The following XYLT1 variants were observed in gnomAD, a reference collection of about 807,000 sequenced individuals.
The protein encoded by XYLT1 is xylosyltransferase 1, also known as beta-D-xylosyltransferase 1.
In XYLT1, 36 loss-of-function variants were observed where a neutral mutation model predicts 91.3. The ratio of observed to expected loss-of-function variants is 0.39; its 90% confidence interval spans 0.30 to 0.52. The LOEUF is 0.52. Among genes scored for constraint, XYLT1 ranks in the 20% least tolerant of loss-of-function variants. The pLI, the probability that XYLT1 is intolerant of heterozygous loss-of-function variation, is 0.68. For missense variants in XYLT1, 1,242 were observed against 1,284.5 expected, an observed-to-expected ratio of 0.97 and a Z score of 0.51; for synonymous variants, 588 against 532.0, an observed-to-expected ratio of 1.11 and a Z score of -1.45.
At chr16:17,121,727 C>T (rs1369837630) in intron 10 of XYLT1, among the ~76,000 whole-genome samples, 1 of 152,008 alleles carries the variant, frequency 6.6e-6, no homozygotes, top group Admixed American at 6.6e-5. Context: ...TCTTTTATCC[C>T]CTATATCCCC....
At chr16:17,202,771 C>A (rs149944655) in intron 3 of XYLT1, among the ~76,000 whole-genome samples, 199 of 151,974 alleles carry the variant, frequency 1.3e-3, no homozygotes, top group African/African-American at 4.4e-3. Context: ...CTGAACACAC[C>A]ACTAGAACAT....
chr16:17,316,335 C>A (rs982642554), intron 2 of XYLT1, among the ~76,000 whole-genome samples: 7 of 152,148 alleles, frequency 4.6e-5, no homozygotes, highest in African/African-American at 1.7e-4. Flanking sequence ...ATGCCTCCCC[C>A]TCCATGCAGA....
At chr16:17,129,082 A>G (rs1450337136) in intron 9 of XYLT1, among the ~76,000 whole-genome samples, 2 of 117,800 alleles carry the variant, frequency 1.7e-5, no homozygotes, top group Non-Finnish European at 2.1e-5. Flanking sequence ...GAAAAAAAAA[A>G]AAAAAAAAAA....
At chr16:17,422,148 A>T in intron 1 of XYLT1, among the ~76,000 whole-genome samples, 1 of 151,570 alleles carries the variant, frequency 6.6e-6, no homozygotes, top group Non-Finnish European at 1.5e-5. Context: ...ACACCCGGCT[A>T]ATTTTTTGTA....
intron 5 of XYLT1, among the ~76,000 whole-genome samples, chr16:17,168,916 G>A (rs756406928): frequency 2.0e-4 from 31 of 152,156 alleles, no homozygotes; most frequent in Non-Finnish European, 3.8e-4. Context: ...CCTTGGCAAG[G>A]CATGCAAGGT....
intron 1 of XYLT1, among the ~76,000 whole-genome samples, chr16:17,469,185 A>G (rs1178145934): frequency 1.3e-5 from 2 of 152,220 alleles, no homozygotes; most frequent in Non-Finnish European, 1.5e-5. Flanking sequence ...GAAGTTTAGC[A>G]GCTCAGAAAG....
intron 1 of XYLT1, among the ~76,000 whole-genome samples, chr16:17,374,617 A>C (rs949921254): frequency 2.7e-5 from 4 of 148,244 alleles, no homozygotes; most frequent in Admixed American, 2.7e-4. Flanking sequence ...TAATTATTCA[A>C]CCCTCAGTAT....
chr16:17,174,036 G>C (rs575413713), intron 5 of XYLT1, among the ~76,000 whole-genome samples: 1 of 152,176 alleles, frequency 6.6e-6, no homozygotes, highest in Non-Finnish European at 1.5e-5. Flanking sequence ...TCTCAGGGAA[G>C]CTGTGGTCCT....
intron 2 of XYLT1, among the ~76,000 whole-genome samples, chr16:17,307,950 TAGTC>T (rs1357940951): frequency 1.3e-5 from 2 of 152,124 alleles, no homozygotes; most frequent in Non-Finnish European, 2.9e-5. Flanking sequence ...GTCTCAAAAA[TAGTC>T]AGAGAGACTT....
intron 5 of XYLT1, among the ~76,000 whole-genome samples, chr16:17,186,370 TG>T (rs1476952405): frequency 6.6e-6 from 1 of 152,084 alleles, no homozygotes; most frequent in Admixed American, 6.5e-5. Context: ...CCCAAAGGGC[TG>T]GGATTACAGA....
chr16:17,261,942 C>T (rs1204096357), intron 2 of XYLT1, among the ~76,000 whole-genome samples: 2 of 152,114 alleles, frequency 1.3e-5, no homozygotes, highest in Non-Finnish European at 2.9e-5. Flanking sequence ...AAAAAATCCC[C>T]TTCAGTTGGT....
intron 1 of XYLT1, among the ~76,000 whole-genome samples, chr16:17,379,037 T>C (rs1459521459): frequency 1.3e-5 from 2 of 152,202 alleles, no homozygotes; most frequent in Admixed American, 6.5e-5. Flanking sequence ...AATGGGCACA[T>C]AGCCCTTCAA....
At position 17,118,285 on chromosome 16, in the gene XYLT1, C is replaced by CGAATGAATGAATGAATGAAT. The variant is rs10524608; in HGVS notation, c.2224-326_2224-307dup. 1.8e-4 allele frequency among the ~76,000 whole-genome samples: 28 copies of CGAATGAATGAATGAATGAAT among 151,352 alleles called. 1 individual carries two copies. The highest frequency in any genetic ancestry group is 3.3e-4 in the Admixed American group (5 of 15,192). On this transcript the variant is annotated intron_variant, in intron 10 of 11. Transcript: ENST00000261381. The stretch of plus-strand genomic sequence containing the variant: ...TGAGCTGAATGAGTGAATGAATGAA[C>CGAATGAATGAATGAATGAAT]GAATGAATGAATGAATGAATGCATG...
At chr16:17,438,461 T>C (rs1291405721) in intron 1 of XYLT1, among the ~76,000 whole-genome samples, 1 of 152,102 alleles carries the variant, frequency 6.6e-6, no homozygotes, top group Admixed American at 6.5e-5. Context: ...AGATTAAACA[T>C]ACGCTACGTA....
intron 2 of XYLT1, among the ~76,000 whole-genome samples, chr16:17,307,946 A>G (rs1024714422): frequency 2.0e-5 from 3 of 152,196 alleles, no homozygotes; most frequent in Non-Finnish European, 2.9e-5. Flanking sequence ...AAGAGTCTCA[A>G]AAATAGTCAG....
At chr16:17,355,593 T>C (rs1169157212) in intron 2 of XYLT1, among the ~76,000 whole-genome samples, 1 of 152,184 alleles carries the variant, frequency 6.6e-6, no homozygotes, top group African/African-American at 2.4e-5. Context: ...TTTCACAGTT[T>C]AATATCTATT....
At chr16:17,128,763 G>T (rs2030353201) in intron 9 of XYLT1, among the ~76,000 whole-genome samples, 1 of 152,228 alleles carries the variant, frequency 6.6e-6, no homozygotes, top group Non-Finnish European at 1.5e-5. Flanking sequence ...CGGAGAAAAG[G>T]GGGAAGCAGA....
At chr16:17,358,245 C>T (rs1337116444) in intron 1 of XYLT1, among the ~76,000 whole-genome samples, 195 bp from the exon 2 acceptor site, 1 of 151,804 alleles carries the variant, frequency 6.6e-6, no homozygotes, top group Admixed American at 6.6e-5. Context: ...GTGATCCTCC[C>T]ACCTCAGCCT....
intron 1 of XYLT1, among the ~76,000 whole-genome samples, chr16:17,452,238 G>A (rs938008646): frequency 6.6e-6 from 1 of 151,478 alleles, no homozygotes; most frequent in Non-Finnish European, 1.5e-5. Flanking sequence ...TCTGTTTTGT[G>A]AATTTCTGCC....
Sources: allele counts gnomAD v4.1 joint callset (sites outside exome capture counted in the v4.1 genomes callset), GRCh38; gene constraint gnomAD v4.1.1; transcripts MANE v1.5; gene names NCBI Gene and HGNC (gene_info 2026-07-23, HGNC 2026-07-21).